Variants in RNF130 observed in about 807,000 individuals in gnomAD.
RNF130 encodes the protein ring finger protein 130, also known as E3 ubiquitin-protein ligase RNF130.
Under a neutral mutation model 44.6 loss-of-function variants are expected in RNF130, and 21 were observed. The observed-to-expected ratio is 0.47, with a 90% CI of 0.33 to 0.68. The LOEUF (loss-of-function observed/expected upper bound fraction) is 0.68, where lower values mean the gene tolerates loss of function less well. RNF130 is among the 30% of genes least tolerant of loss of function. The pLI is 0.02. For synonymous variants in RNF130, 214 were observed against 210.4 expected, an observed-to-expected ratio of 1.02 and a Z score of -0.15; for missense variants, 479 against 560.6, an observed-to-expected ratio of 0.85 and a Z score of 1.47.
At chr5:179,971,269 T>C (rs1391852638) in intron 5 of RNF130, among the ~76,000 whole-genome samples, 3 of 152,178 alleles carry the variant, frequency 2.0e-5, no homozygotes, top group Admixed American at 6.5e-5. Flanking sequence ...TCTGAAGCTC[T>C]AGAGTCCTGG....
intron 7 of RNF130, among the ~76,000 whole-genome samples, chr5:179,965,026 C>CT (rs1375082154): frequency 6.6e-6 from 1 of 152,192 alleles, no homozygotes; most frequent in Non-Finnish European, 1.5e-5. Flanking sequence ...ACAGTATCCT[C>CT]TTTTTTCTTC....
chr5:179,924,602 A>C (rs574197880), intron 7 of RNF130, among the ~76,000 whole-genome samples: 1 of 151,914 alleles, frequency 6.6e-6, no homozygotes, highest in Non-Finnish European at 1.5e-5. Context: ...GGAGTTCGAG[A>C]CCAGCCTGGC....
chr5:179,984,181 T>C (rs1370435489), intron 3 of RNF130, among the ~76,000 whole-genome samples: 1 of 152,226 alleles, frequency 6.6e-6, no homozygotes, highest in Admixed American at 6.5e-5. Context: ...TTCCAACATA[T>C]CTTCTACACG....
chr5:180,050,793 G>A (rs966748649), intron 1 of RNF130, among the ~76,000 whole-genome samples: 5 of 152,206 alleles, frequency 3.3e-5, no homozygotes, highest in Non-Finnish European at 7.3e-5. Flanking sequence ...CTTCGGGGTT[G>A]TTCTTGCACT....
intron 1 of RNF130, among the ~76,000 whole-genome samples, chr5:180,044,583 C>T (rs565194562): frequency 6.6e-6 from 1 of 152,152 alleles, no homozygotes; most frequent in East Asian, 1.9e-4. Flanking sequence ...CTTGTAATCC[C>T]AGCACTTTGG....
chr5:180,005,441 A>ACAC (rs1763444824), intron 3 of RNF130, among the ~76,000 whole-genome samples: 1 of 151,938 alleles, frequency 6.6e-6, no homozygotes, highest in African/African-American at 2.4e-5. Flanking sequence ...AAAAACAACA[A>ACAC]CAACAACACC....
exon 8 of RNF130, chr5:179,920,304 C>A: frequency 1.4e-6 from 1 of 693,716 alleles, no homozygotes; most frequent in Non-Finnish European, 2.6e-6. Context: ...AACAGCCAGG[C>A]CATGTTTAAA....
chr5:180,040,212 C>G (rs1384986863), intron 2 of RNF130, among the ~76,000 whole-genome samples: 1 of 152,124 alleles, frequency 6.6e-6, no homozygotes, highest in Non-Finnish European at 1.5e-5. Context: ...TGCAAAACAA[C>G]TAAGGATTTA....
At chr5:179,989,877 T>C (rs1368492179) in intron 3 of RNF130, among the ~76,000 whole-genome samples, 1 of 152,234 alleles carries the variant, frequency 6.6e-6, no homozygotes, top group Non-Finnish European at 1.5e-5. Context: ...CGTGTAATTG[T>C]TTTATGAGAC....
chr5:179,925,279 A>G (rs1185804236), intron 7 of RNF130, among the ~76,000 whole-genome samples: 1 of 121,444 alleles, frequency 8.2e-6, no homozygotes, highest in African/African-American at 2.8e-5. Flanking sequence ...TTGATCGCCC[A>G]TGGCCAACAG....
intron 1 of RNF130, among the ~76,000 whole-genome samples, chr5:180,067,076 T>A (rs1360563397): frequency 6.6e-6 from 1 of 152,116 alleles, no homozygotes; most frequent in Non-Finnish European, 1.5e-5. Context: ...TCACACCTTA[T>A]TCAAGGCGGG....
intron 3 of RNF130, among the ~76,000 whole-genome samples, chr5:179,996,910 T>C (rs191810701): frequency 1.3e-5 from 2 of 152,198 alleles, no homozygotes; most frequent in Non-Finnish European, 2.9e-5. Flanking sequence ...CTTTAAATGT[T>C]TGGCAGAATT....
downstream of RNF130, among the ~76,000 whole-genome samples, chr5:179,953,280 C>T (rs1156471536): frequency 6.6e-6 from 1 of 150,478 alleles, no homozygotes; most frequent in African/African-American, 2.4e-5. Context: ...TCTACATATG[C>T]AGTGCAATCC....
At chr5:179,985,097 T>C (rs1366235620) in intron 3 of RNF130, among the ~76,000 whole-genome samples, 1 of 151,732 alleles carries the variant, frequency 6.6e-6, no homozygotes, top group Admixed American at 6.6e-5. Context: ...TGGTGTAGTA[T>C]CTATTTGCTC....
intron 1 of RNF130, among the ~76,000 whole-genome samples, chr5:180,051,238 ATATTTATTTATT>A (rs61340522): frequency 6.9e-6 from 1 of 144,096 alleles, no homozygotes; most frequent in Non-Finnish European, 1.5e-5. Context: ...TATAGATATT[ATATTTATTTATT>A]TATTTATTTA....
intron 1 of RNF130, among the ~76,000 whole-genome samples, chr5:180,052,136 C>T (rs998139178): frequency 6.6e-6 from 1 of 152,176 alleles, no homozygotes; most frequent in Non-Finnish European, 1.5e-5. Flanking sequence ...CAAGGTCTGT[C>T]CCAGGCCCTC....
chr5:180,052,350 A>C (rs1181825475), intron 1 of RNF130, among the ~76,000 whole-genome samples: 5 of 152,310 alleles, frequency 3.3e-5, no homozygotes, highest in South Asian at 4.1e-4. Flanking sequence ...TCTGGCTAAC[A>C]GCATCATCTA....
intron 8 of RNF130, among the ~76,000 whole-genome samples, chr5:179,960,122 G>C (rs572118336): frequency 6.2e-4 from 94 of 152,302 alleles, no homozygotes; most frequent in Non-Finnish European, 9.7e-4. Flanking sequence ...GTTGGTAAAT[G>C]TTGACATTTC....
At position 180,045,009 on chromosome 5, in the gene RNF130, G is replaced by C. The variant is rs185741048; in HGVS notation, c.248-4362C>G. On this transcript the variant is annotated intron_variant, in intron 1 of 8. Coordinates refer to ENST00000521389, the MANE Select transcript of RNF130 (RefSeq NM_018434.6). Reference sequence around the variant, plus strand: ...AGCCCACATGGAACCCCTGAAACTTGCGCAGCCAGGAAGGAGGTGGATACG... The same window carrying C: ...AGCCCACATGGAACCCCTGAAACTTCCGCAGCCAGGAAGGAGGTGGATACG... Among the ~76,000 whole-genome samples, 3 of 152,254 alleles carry C rather than the reference G, an allele frequency of 2.0e-5. No homozygotes were observed. The East Asian group carries it at 5.8e-4, about 29-fold the overall frequency.
Sources: gnomAD v4.1 joint callset for allele counts (sites outside exome capture counted in the v4.1 genomes callset) on GRCh38, gnomAD v4.1.1 for gene constraint, MANE v1.5 for transcripts, NCBI Gene and HGNC (gene_info 2026-07-23, HGNC 2026-07-21) for gene names.